ADGRV1: variants seen among roughly 807,000 people sequenced by gnomAD.
ADGRV1 encodes adhesion G protein-coupled receptor V1.
In ADGRV1, 359 loss-of-function variants were observed where a neutral mutation model predicts 596.2. The observed-to-expected ratio is 0.60, with a 90% CI of 0.55 to 0.66. ADGRV1 has a LOEUF of 0.66. Ranked by LOEUF, ADGRV1 falls within the 30% of genes least tolerant of loss-of-function variation. ADGRV1 has a pLI of 0.00. For missense variants in ADGRV1, 7,274 were observed against 7,575.6 expected (o/e 0.96, Z 1.48); for synonymous variants, 2,681 against 2,679.2 (o/e 1.00, Z -0.02).
At chr5:91,043,879 T>C (rs1438775124) in intron 85 of ADGRV1, among the ~76,000 whole-genome samples, 3 of 149,314 alleles carry the variant, frequency 2.0e-5, no homozygotes, top group Non-Finnish European at 4.5e-5. Context: ...TGCTGCTTTA[T>C]TTTTTTTAAA....
intron 83 of ADGRV1, among the ~76,000 whole-genome samples, chr5:90,934,275 C>T (rs1220100458): frequency 6.6e-6 from 1 of 152,134 alleles, no homozygotes; most frequent in Non-Finnish European, 1.5e-5. Context: ...CTTCATTCTG[C>T]TTATAATTGA....
At chr5:90,730,260 T>C (rs1349982381) in intron 50 of ADGRV1, among the ~76,000 whole-genome samples, 3 of 152,198 alleles carry the variant, frequency 2.0e-5, no homozygotes, top group African/African-American at 7.2e-5. Flanking sequence ...ATTTTCCTTT[T>C]GCAGATTAAT....
At position 90,756,490 on chromosome 5, in the gene ADGRV1, A is replaced by T. The variant is rs2149981418; in HGVS notation, c.11617A>T (p.Thr3873Ser). 6.3e-7 allele frequency: 1 copy of T among 1,592,564 alleles called. No individual in the cohort carries two copies. Among genetic ancestry groups the T allele is most frequent in the Non-Finnish European group, 8.5e-7 (1 of 1,169,608 alleles). ...LPELEEGFIV[T>S]ITEVNLVNSD... is the part of the protein sequence containing the mutation. ...TGAATTGGAGGAAGGATTTATTGTC[A>T]CTATCACTGAGGTGAACCTGGTGAA... Residue 3873 changes from threonine to serine, a missense_variant, in exon 56 of 90, where the codon ACT (threonine) becomes TCT (serine). Coordinates refer to ENST00000405460, the MANE Select transcript of ADGRV1 (RefSeq NM_032119.4).
intron 83 of ADGRV1, among the ~76,000 whole-genome samples, chr5:90,934,026 A>C (rs1775474175): frequency 6.6e-6 from 1 of 152,192 alleles, no homozygotes; most frequent in Non-Finnish European, 1.5e-5. Flanking sequence ...TCTACTCCAG[A>C]AACTATTTCA....
In ADGRV1 at chr5:90,863,852, A is replaced by C. The variant is rs1470984001; in HGVS notation, c.17851A>C (p.Thr5951Pro). The C allele has an allele frequency of 1.2e-6, 2 of 1,605,032 alleles. No individual in the cohort carries two copies. Among genetic ancestry groups the C allele is most frequent in the African/African-American group, 2.7e-5 (2 of 74,742 alleles). The change falls in exon 83 of 90, where the codon ACA (threonine) becomes CCA (proline). Residue 5951 changes from threonine to proline, a missense_variant. This residue lies in a region of ADGRV1 where 1,874 missense variants were observed against 1,970.2 expected (regional missense o/e 0.95). Coordinates refer to ENST00000405460, the MANE Select transcript of ADGRV1 (RefSeq NM_032119.4). ...LTHMMAASLGTQILFLASAYA... is the reference protein window; with the variant it reads ...LTHMMAASLGPQILFLASAYA... ...TCACATGATGGCAGCCAGCTTAGGT[A>C]CACAGGTAGGAGAGCGCTGGCATTT...
chr5:91,075,173 G>C (rs1000863074), intron 86 of ADGRV1, among the ~76,000 whole-genome samples: 1 of 151,906 alleles, frequency 6.6e-6, no homozygotes, highest in African/African-American at 2.4e-5. Flanking sequence ...TGCTGTGCAG[G>C]AGCTCTTTAG....
chr5:90,695,746 A>G (rs887731281), intron 33 of ADGRV1, among the ~76,000 whole-genome samples: 11 of 152,038 alleles, frequency 7.2e-5, no homozygotes, highest in African/African-American at 2.4e-4. Flanking sequence ...TATTTTTATT[A>G]TGGTTATTTT....
intron 79 of ADGRV1, chr5:90,850,911 G>C (rs1766419732): frequency 6.6e-6 from 1 of 152,160 alleles, no homozygotes; most frequent in African/African-American, 2.4e-5. Flanking sequence ...ACAATAAAAT[G>C]AGGGAGTAGA....
intron 50 of ADGRV1, among the ~76,000 whole-genome samples, chr5:90,740,586 G>A (rs969193873): frequency 3.9e-5 from 6 of 152,286 alleles, no homozygotes; most frequent in African/African-American, 1.4e-4. Flanking sequence ...TATTCTTTCT[G>A]GTGGTGTGCC....
chr5:90,729,364 A>T (rs1016663103), intron 49 of ADGRV1, among the ~76,000 whole-genome samples: 3 of 152,160 alleles, frequency 2.0e-5, no homozygotes, highest in African/African-American at 4.8e-5. Context: ...TAGAACTTTC[A>T]TGGGTAAAAT....
rs561026733 is a variant in ADGRV1 at position 90,729,966 on chromosome 5, C to T, written c.10549+202C>T. 1.8e-3 allele frequency among the ~76,000 whole-genome samples: 271 copies of T among 151,990 alleles called. 2 individuals carry two copies. Among genetic ancestry groups the T allele is most frequent in the African/African-American group, 6.4e-3 (267 of 41,454 alleles). On this transcript the variant is annotated intron_variant, in intron 50 of 89. Coordinates refer to ENST00000405460, the MANE Select transcript of ADGRV1 (RefSeq NM_032119.4). ...ACTGCAAGCTCCGCCTCCCAGGTTC[C>T]GCTATTCTCCTGCCTCAGTCTCCCC...
intron 77 of ADGRV1, 109 bp from the exon 78 acceptor site, chr5:90,840,469 C>A: frequency 1.2e-6 from 1 of 826,834 alleles, no homozygotes; most frequent in Non-Finnish European, 1.8e-6. Flanking sequence ...ATCATCATTG[C>A]CCTTCAGTTT....
intron 87 of ADGRV1, among the ~76,000 whole-genome samples, chr5:91,105,816 A>G (rs1053988018): frequency 1.3e-5 from 2 of 152,000 alleles, no homozygotes; most frequent in Non-Finnish European, 2.9e-5. Context: ...TTAGTTTGAC[A>G]TAATCCCATT....
intron 86 of ADGRV1, among the ~76,000 whole-genome samples, chr5:91,080,133 T>G (rs1269209516): frequency 6.6e-6 from 1 of 152,194 alleles, no homozygotes; most frequent in African/African-American, 2.4e-5. Context: ...GTAATGATCA[T>G]GTCAGGGTAT....
At chr5:91,050,089 A>G (rs1254474579) in intron 85 of ADGRV1, among the ~76,000 whole-genome samples, 1 of 152,238 alleles carries the variant, frequency 6.6e-6, no homozygotes, top group South Asian at 2.1e-4. Context: ...CAATCTGGGT[A>G]CTTGTGCTGA....
chr5:90,641,982 A>AT (rs1231183942), intron 11 of ADGRV1, among the ~76,000 whole-genome samples: 2 of 152,194 alleles, frequency 1.3e-5, no homozygotes, highest in Non-Finnish European at 2.9e-5. Context: ...TCTCAGATCT[A>AT]TTCTATTCTT....
chr5:90,608,684 C>T (rs1175068454), intron 1 of ADGRV1, among the ~76,000 whole-genome samples: 3 of 151,906 alleles, frequency 2.0e-5, no homozygotes, highest in African/African-American at 7.3e-5. Flanking sequence ...GGGTGTTCTC[C>T]ATCAAAACAA....
chr5:90,820,102 G>T lies in ADGRV1; in HGVS notation c.16197-3323G>T, dbSNP rs201372190. On this transcript the variant is annotated intron_variant, in intron 75 of 89. Transcript: ENST00000405460. Reference sequence around the variant, plus strand: ...TTGCTTTTTGAATCTGGGTGCTCCTGTGTTGGGTGCATATATATTTAGGAT... The same window carrying T: ...TTGCTTTTTGAATCTGGGTGCTCCTTTGTTGGGTGCATATATATTTAGGAT... 0.027 allele frequency among the ~76,000 whole-genome samples: 4,103 copies of T among 151,940 alleles called. 272 individuals are homozygous for T. The East Asian group carries it at 0.27, about 10-fold the overall frequency.
chr5:90,915,138 G>C (rs1773234651), intron 83 of ADGRV1, among the ~76,000 whole-genome samples: 1 of 152,050 alleles, frequency 6.6e-6, no homozygotes, highest in Non-Finnish European at 1.5e-5. Context: ...ATTAATTTGT[G>C]GGAATTATTT....
Sources: allele counts gnomAD v4.1 joint callset (sites outside exome capture counted in the v4.1 genomes callset), GRCh38; gene constraint gnomAD v4.1.1; regional missense constraint gnomAD v4.1.1; transcripts MANE v1.5; gene names NCBI Gene and HGNC (gene_info 2026-07-23, HGNC 2026-07-21).